Variants in ABTB3 observed in about 807,000 individuals in gnomAD.
ABTB3 encodes the protein ankyrin repeat- and BTB/POZ domain-containing protein 3.
chr12:107,409,359 ATTG>A, the ABTB3 span, among the ~76,000 whole-genome samples: 2 of 152,252 alleles, frequency 1.3e-5, no homozygotes, highest in Non-Finnish European at 2.9e-5. Context: ...TAGTTCAACC[ATTG>A]TGGAAAACAA....
the ABTB3 span, among the ~76,000 whole-genome samples, chr12:107,414,210 A>G: frequency 6.6e-6 from 1 of 152,190 alleles, no homozygotes; most frequent in Admixed American, 6.5e-5. Flanking sequence ...TTTCAGCCAC[A>G]CAGCATTTCT....
the ABTB3 span, among the ~76,000 whole-genome samples, chr12:107,521,221 G>A: frequency 6.6e-6 from 1 of 151,872 alleles, no homozygotes; most frequent in Admixed American, 6.6e-5. Context: ...GCACCAGTCC[G>A]AGTTTGGACT....
At chr12:107,607,408 C>G in the ABTB3 span, among the ~76,000 whole-genome samples, 9 of 152,322 alleles carry the variant, frequency 5.9e-5, no homozygotes, top group South Asian at 1.4e-3. Context: ...CTCTCCCCCA[C>G]TGCCGGGGTA....
the ABTB3 span, among the ~76,000 whole-genome samples, chr12:107,360,458 C>T: frequency 6.6e-6 from 1 of 152,138 alleles, no homozygotes; most frequent in South Asian, 2.1e-4. Flanking sequence ...ATCCCAGGTT[C>T]CCATTTCCTG....
chr12:107,491,998 T>TA, the ABTB3 span, among the ~76,000 whole-genome samples: 1 of 151,692 alleles, frequency 6.6e-6, no homozygotes, highest in Non-Finnish European at 1.5e-5. Flanking sequence ...CTAGTCCATC[T>TA]CCCCAGGAGA....
chr12:107,620,285 C>A, the ABTB3 span: 1 of 1,311,744 alleles, frequency 7.6e-7, no homozygotes, highest in South Asian at 1.5e-5. Context: ...TCATAGCGAC[C>A]AGTGGCGAAT....
chr12:107,597,048 C>G, the ABTB3 span, among the ~76,000 whole-genome samples: 2 of 152,214 alleles, frequency 1.3e-5, no homozygotes, highest in Non-Finnish European at 2.9e-5. Flanking sequence ...TAACCACAGA[C>G]AAACTCAAGG....
At chr12:107,556,796 A>C in the ABTB3 span, among the ~76,000 whole-genome samples, 1 of 152,040 alleles carries the variant, frequency 6.6e-6, no homozygotes, top group East Asian at 1.9e-4. Flanking sequence ...GGATCACCTG[A>C]GGTCAGGAGT....
the ABTB3 span, chr12:107,640,346 G>A: frequency 1.2e-5 from 19 of 1,594,550 alleles, no homozygotes; most frequent in Non-Finnish European, 1.4e-5. Context: ...AATGTCTGAT[G>A]TTACATTTCT....
the ABTB3 span, among the ~76,000 whole-genome samples, chr12:107,390,868 C>T: frequency 6.6e-5 from 10 of 152,218 alleles, no homozygotes; most frequent in East Asian, 3.9e-4. Flanking sequence ...TTATTGAACT[C>T]GGCCAGGTGC....
the ABTB3 span, among the ~76,000 whole-genome samples, chr12:107,472,013 G>A: frequency 1.3e-5 from 2 of 152,142 alleles, no homozygotes; most frequent in African/African-American, 4.8e-5. Flanking sequence ...AGTCTCTAGG[G>A]CTCCTGATAC....
chr12:107,379,352 A>C, the ABTB3 span, among the ~76,000 whole-genome samples: 4 of 151,986 alleles, frequency 2.6e-5, no homozygotes, highest in Non-Finnish European at 2.9e-5. Flanking sequence ...ACCTGGTGGG[A>C]GGTAATTGAA....
At chr12:107,553,403 C>T in the ABTB3 span, among the ~76,000 whole-genome samples, 1 of 152,134 alleles carries the variant, frequency 6.6e-6, no homozygotes, top group African/African-American at 2.4e-5. Flanking sequence ...ATGTAAGTTG[C>T]CCAAGGTCAT....
At chr12:107,654,351 T>C in the ABTB3 span, among the ~76,000 whole-genome samples, 3 of 152,158 alleles carry the variant, frequency 2.0e-5, no homozygotes, top group South Asian at 6.2e-4. Context: ...CAGGCTGGAG[T>C]GCAGTGACAT....
At chr12:107,386,156 C>T in the ABTB3 span, among the ~76,000 whole-genome samples, 2 of 152,214 alleles carry the variant, frequency 1.3e-5, no homozygotes, top group Non-Finnish European at 2.9e-5. Context: ...TACTCTTCCT[C>T]ACCTCTCTAC....
At chr12:107,569,426 T>C in the ABTB3 span, among the ~76,000 whole-genome samples, 172 of 152,320 alleles carry the variant, frequency 1.1e-3, 6 homozygotes, top group East Asian at 0.031. Context: ...AAAGCCATGG[T>C]TGATAAATTT....
At chr12:107,544,572 T>A in the ABTB3 span, among the ~76,000 whole-genome samples, 1 of 152,138 alleles carries the variant, frequency 6.6e-6, no homozygotes, top group South Asian at 2.1e-4. Context: ...AGGGGCTTGA[T>A]TGCCCAGGGA....
the ABTB3 span, among the ~76,000 whole-genome samples, chr12:107,631,778 C>T: frequency 6.6e-6 from 1 of 152,082 alleles, no homozygotes. Context: ...AGAGGGAAAC[C>T]CTGGAGAGAA....
the ABTB3 span, among the ~76,000 whole-genome samples, chr12:107,381,820 T>A: frequency 6.6e-6 from 1 of 152,116 alleles, no homozygotes; most frequent in Non-Finnish European, 1.5e-5. Flanking sequence ...CTGCCTCAGC[T>A]CCCTCAGCTG....
Sources: gnomAD v4.1 joint callset for allele counts (sites outside exome capture counted in the v4.1 genomes callset) on GRCh38, gnomAD v4.1.1 for gene constraint, MANE v1.5 for transcripts, NCBI Gene and HGNC (gene_info 2026-07-23, HGNC 2026-07-21) for gene names.